Variants in SORCS1 observed in about 807,000 individuals in gnomAD.
SORCS1 encodes VPS10 domain-containing receptor SorCS1.
In SORCS1, 60 loss-of-function variants were observed where a neutral mutation model predicts 146.1. The ratio of observed to expected loss-of-function variants is 0.41; its 90% CI spans 0.33 to 0.51. SORCS1 has a LOEUF of 0.51. SORCS1 is among the 20% of genes least tolerant of loss of function. The pLI is 0.21. For missense variants in SORCS1, 1,352 were observed against 1,487.6 expected (o/e 0.91, Z 1.50); for synonymous variants, 637 against 584.0 (o/e 1.09, Z -1.31).
chr10:107,178,840 C>T, the SORCS1 span, among the ~76,000 whole-genome samples: 1 of 150,434 alleles, frequency 6.6e-6, no homozygotes, highest in African/African-American at 2.4e-5. Context: ...ATATATACCA[C>T]ATTAAAAAAA....
chr10:106,970,336 C>CGTTTTTTTTTTTTT (rs1955713393), intron 1 of SORCS1, among the ~76,000 whole-genome samples: 1 of 89,454 alleles, frequency 1.1e-5, no homozygotes, highest in Non-Finnish European at 2.0e-5. Context: ...ACCAACATCT[C>CGTTTTTTTTTTTTT]TTTTTTTTTT....
rs147184187 is a variant in SORCS1 at position 106,941,932 on chromosome 10, G to A, written c.626+14581C>T. On this transcript the variant is annotated intron_variant, in intron 2 of 25. Coordinates refer to ENST00000263054, the MANE Select transcript of SORCS1 (RefSeq NM_052918.5). ...GAGAAAATCTCCCATAACCAGGATG[G>A]AGAAGGCTGCTTAGTGTTCCCCAAA... is the stretch of plus-strand genomic sequence containing the variant. Among the ~76,000 whole-genome samples, 620 of 152,306 alleles carry A rather than the reference G, an allele frequency of 4.1e-3. 10 individuals are homozygous for A. The highest frequency in any genetic ancestry group is 0.031 in the Middle Eastern group (9 of 294).
chr10:106,921,021 C>T (rs113150499), intron 2 of SORCS1, among the ~76,000 whole-genome samples: 5 of 152,192 alleles, frequency 3.3e-5, no homozygotes, highest in East Asian at 1.9e-4. Flanking sequence ...CAAGGCACCA[C>T]GGCAAGAACA....
intron 17 of SORCS1, 62 bp downstream of exon 17, chr10:106,667,627 T>C: frequency 9.3e-7 from 1 of 1,076,820 alleles, no homozygotes; most frequent in Non-Finnish European, 1.4e-6. Flanking sequence ...ATTCTGTCAG[T>C]ATAACACGTG....
chr10:106,771,961 C>T (rs1299245276), intron 4 of SORCS1, among the ~76,000 whole-genome samples: 2 of 152,192 alleles, frequency 1.3e-5, no homozygotes, highest in African/African-American at 4.8e-5. Flanking sequence ...GCCTGGATAG[C>T]CACATCCCCA....
At chr10:106,948,653 T>TAAA (rs58567205) in intron 2 of SORCS1, among the ~76,000 whole-genome samples, 9 of 140,830 alleles carry the variant, frequency 6.4e-5, no homozygotes, top group Non-Finnish European at 9.3e-5. Flanking sequence ...CCCTGTTTCT[T>TAAA]AAAAAAAAAA....
rs147903054 is a variant in SORCS1, at chr10:107,144,998, T to G, written c.558+18971A>C. The stretch of plus-strand genomic sequence containing the variant: ...CTTTTAAAGAATTAAGCCATCAGGA[T>G]GCATGGTGCTATTTAATCTATCTCC... On this transcript the variant is annotated intron_variant, in intron 1 of 25. Transcript: ENST00000263054. 3.0e-3 allele frequency among the ~76,000 whole-genome samples: 450 copies of G among 152,346 alleles called. 3 individuals carry two copies. The highest frequency in any genetic ancestry group is 0.01 in the African/African-American group (434 of 41,590).
At chr10:107,130,482 T>C (rs1220495283) in intron 1 of SORCS1, among the ~76,000 whole-genome samples, 3 of 152,196 alleles carry the variant, frequency 2.0e-5, no homozygotes, top group African/African-American at 7.2e-5. Context: ...CTTTCCAAAA[T>C]CTATCCAGAA....
chr10:106,776,486 C>A (rs199833571), intron 4 of SORCS1, 48 bp downstream of exon 4: 1 of 1,603,380 alleles, frequency 6.2e-7, no homozygotes, highest in South Asian at 1.1e-5. Flanking sequence ...GCACTATTTT[C>A]CCCGGAGAAC....
chr10:107,171,262 G>A, the SORCS1 span, among the ~76,000 whole-genome samples: 1 of 152,266 alleles, frequency 6.6e-6, no homozygotes, highest in South Asian at 2.1e-4. Context: ...ATAAAAAGAA[G>A]AGTAGAGAAC....
intron 1 of SORCS1, among the ~76,000 whole-genome samples, chr10:107,139,901 C>T (rs1040453767): frequency 6.6e-6 from 1 of 152,166 alleles, no homozygotes; most frequent in South Asian, 2.1e-4. Context: ...TAGCATCAGT[C>T]CCGTTTTGCC....
chr10:107,119,613 T>A (rs951058445), intron 1 of SORCS1, among the ~76,000 whole-genome samples: 1 of 152,096 alleles, frequency 6.6e-6, no homozygotes, highest in South Asian at 2.1e-4. Context: ...TCCAAGAAAA[T>A]CTTTGGCCAG....
At chr10:106,831,024 C>A (rs1038916708) in intron 2 of SORCS1, among the ~76,000 whole-genome samples, 5 of 152,068 alleles carry the variant, frequency 3.3e-5, no homozygotes, top group African/African-American at 9.7e-5. Flanking sequence ...GAAACCCTGT[C>A]TCTACTAAAA....
chr10:106,844,583 A>AT (rs972980137), intron 2 of SORCS1, among the ~76,000 whole-genome samples: 2 of 148,834 alleles, frequency 1.3e-5, no homozygotes, highest in African/African-American at 2.5e-5. Flanking sequence ...TTTAATTATT[A>AT]TTTTTTTTAA....
intron 2 of SORCS1, among the ~76,000 whole-genome samples, chr10:106,878,648 ATT>A (rs201814505): frequency 3.9e-5 from 5 of 129,832 alleles, no homozygotes; most frequent in Admixed American, 7.8e-5. Context: ...ATATATATAT[ATT>A]TTATAGCAGC....
intron 2 of SORCS1, among the ~76,000 whole-genome samples, chr10:106,886,125 G>A (rs1950991942): frequency 6.6e-6 from 1 of 152,068 alleles, no homozygotes; most frequent in African/African-American, 2.4e-5. Flanking sequence ...AGCCTGGCAT[G>A]GTAGCAGGCA....
chr10:106,868,974 T>G (rs1196959590), intron 2 of SORCS1, among the ~76,000 whole-genome samples: 1 of 151,680 alleles, frequency 6.6e-6, no homozygotes, highest in Non-Finnish European at 1.5e-5. Flanking sequence ...GGAGAGAAGA[T>G]CCAAATATAC....
intron 1 of SORCS1, among the ~76,000 whole-genome samples, chr10:106,991,155 T>A (rs2139482193): frequency 6.6e-6 from 1 of 152,348 alleles, no homozygotes; most frequent in African/African-American, 2.4e-5. Context: ...GCCTTCGACT[T>A]ACATTTTATA....
At chr10:106,763,463 TA>T (rs1184318204) in intron 4 of SORCS1, among the ~76,000 whole-genome samples, 5 of 152,358 alleles carry the variant, frequency 3.3e-5, no homozygotes, top group African/African-American at 1.2e-4. Flanking sequence ...AACAATCCAC[TA>T]AACCAAGCCT....
Sources: gnomAD v4.1 joint callset for allele counts (sites outside exome capture counted in the v4.1 genomes callset) on GRCh38, gnomAD v4.1.1 for gene constraint, MANE v1.5 for transcripts, NCBI Gene and HGNC (gene_info 2026-07-23, HGNC 2026-07-21) for gene names.